Variants in WHAMM observed in about 807,000 individuals in gnomAD.
The protein encoded by WHAMM is WASP homolog associated with actin, golgi membranes and microtubules.
A neutral mutation model predicts 76.5 loss-of-function variants in WHAMM; 67 were observed. The ratio of observed to expected loss-of-function variants is 0.88; its 90% confidence interval spans 0.72 to 1.07. The LOEUF is 1.07. Among genes scored for constraint, WHAMM ranks in the 50% least tolerant of loss-of-function variants. The pLI is 0.00. For synonymous variants in WHAMM, 419 were observed against 422.1 expected, an observed-to-expected ratio of 0.99 and a Z score of 0.09; for missense variants, 1,021 against 1,051.1, an observed-to-expected ratio of 0.97 and a Z score of 0.40.
intron 1 of WHAMM, among the ~76,000 whole-genome samples, chr15:82,811,970 AT>A (rs552794656): frequency 1.6e-3 from 238 of 152,302 alleles, no homozygotes; most frequent in Non-Finnish European, 2.7e-3. Flanking sequence ...GTTGAAAAAA[AT>A]CTATATTATT....
chr15:82,833,533 T>G lies in WHAMM; in HGVS notation c.2427T>G (p.Gly809=). The change falls in exon 10 of 10, where the codon GGT becomes GGG. Residue 809 remains glycine, a synonymous_variant. Coordinates refer to ENST00000286760, the MANE Select transcript of WHAMM (RefSeq NM_001080435.3). ...AGCAGGACCCTGGCCAGTGGGATGG[T>G]TAGGCTCAAGTTTGACAAAGGCACC... ...SDEQDPGQWD[G] is the part of the protein sequence containing the mutation. 1 of 1,612,602 alleles carries G rather than the reference T, an allele frequency of 6.2e-7. No individual in the cohort carries two copies. The highest frequency in any genetic ancestry group is 8.5e-7 in the Non-Finnish European group (1 of 1,179,280).
chr15:82,817,040 A>G (rs1161109760), intron 3 of WHAMM, among the ~76,000 whole-genome samples, 198 bp downstream of exon 3: 1 of 152,202 alleles, frequency 6.6e-6, no homozygotes, highest in African/African-American at 2.4e-5. Flanking sequence ...CACATGGAAA[A>G]TGGCAGTGAC....
At chr15:82,833,114 T>G in intron 9 of WHAMM, 115 bp from the exon 10 acceptor site, 1 of 1,210,608 alleles carries the variant, frequency 8.3e-7, no homozygotes, top group Non-Finnish European at 1.1e-6. Flanking sequence ...ATGAAGTGAT[T>G]ATTTGTTTAA....
In WHAMM at chr15:82,823,556, C is replaced by T. The variant is rs1416317549; in HGVS notation, c.1458+269C>T. 1.3e-5 allele frequency among the ~76,000 whole-genome samples: 2 copies of T among 151,722 alleles called. No homozygotes were observed. The highest frequency in any genetic ancestry group is 4.8e-5 in the African/African-American group (2 of 41,312). ...GTTGAATGCCCATTGCATACACAGG[C>T]ACACAGGCACTTTATTTTTATTTTT... On this transcript the variant is annotated intron_variant, in intron 6 of 9. Transcript: ENST00000286760.
intron 7 of WHAMM, 22 bp downstream of exon 7, chr15:82,826,518 A>G: frequency 2.5e-6 from 4 of 1,609,058 alleles, no homozygotes; most frequent in Non-Finnish European, 3.4e-6. Context: ...CCGAAGGAAA[A>G]TGTTCTATGT....
intron 8 of WHAMM, among the ~76,000 whole-genome samples, chr15:82,827,819 C>T (rs1332659113): frequency 1.3e-5 from 2 of 152,100 alleles, no homozygotes; most frequent in African/African-American, 2.4e-5. Flanking sequence ...GTGGTGCATG[C>T]CTGTAGTCCC....
chr15:82,826,942 C>A, intron 8 of WHAMM, 96 bp downstream of exon 8: 1 of 1,271,582 alleles, frequency 7.9e-7, no homozygotes, highest in South Asian at 1.8e-5. Flanking sequence ...AAGAACAGGT[C>A]ATTCAGAACG....
At chr15:82,826,368 T>C (rs1566996975) in intron 6 of WHAMM, 42 bp from the exon 7 acceptor site, 1 of 1,597,706 alleles carries the variant, frequency 6.3e-7, no homozygotes, top group Non-Finnish European at 8.6e-7. Flanking sequence ...TATACCAGGG[T>C]AATATTAAAA....
rs776525483 is a variant in WHAMM, at chr15:82,809,863, A to G, written c.137A>G (p.His46Arg). 1.3e-6 allele frequency: 2 copies of G among 1,592,368 alleles called. No individual in the cohort carries two copies. Among genetic ancestry groups the G allele is most frequent in the South Asian group, 2.2e-5 (2 of 89,136 alleles). The stretch of plus-strand genomic sequence containing the variant: ...GAGGGCAAGTTCGCTGTGACTTGTC[A>G]CGACCGTACCGCGCAGCAGCGGCGG... ...GAEGKFAVTC[H>R]DRTAQQRRLR... The change falls in exon 1 of 10, where the codon CAC becomes CGC. Residue 46 changes from histidine to arginine, a missense_variant. Around this residue, in one of 3 missense-constraint regions of WHAMM, gnomAD observed 501 missense variants for 524.9 expected, o/e 0.95. Transcript: ENST00000286760.
intron 8 of WHAMM, 79 bp downstream of exon 8, chr15:82,826,925 AAGT>A (rs2050946281): frequency 7.0e-7 from 1 of 1,429,884 alleles, no homozygotes; most frequent in Non-Finnish European, 9.3e-7. Context: ...TGAAAGTATG[AAGT>A]ATTAAGAACA....
At chr15:82,816,912 G>A in intron 3 of WHAMM, 70 bp downstream of exon 3, 5 of 1,430,728 alleles carry the variant, frequency 3.5e-6, no homozygotes, top group Admixed American at 2.2e-5. Flanking sequence ...TACCATTTGA[G>A]TCCCTCTTAC....
rs1364959645 is a variant in WHAMM, at chr15:82,835,360, G to A, written c.*1824G>A. On this transcript the variant is annotated 3_prime_UTR_variant, in exon 10 of 10. Coordinates refer to ENST00000286760, the MANE Select transcript of WHAMM (RefSeq NM_001080435.3). ...AGGATGGTCTCGATCTCTTGACCTC[G>A]TGATCCTCCCACCTTGGCCTCCCAA... 3.3e-5 allele frequency: 5 copies of A among 152,600 alleles called. 1 individual carries two copies. The highest frequency in any genetic ancestry group is 3.9e-4 in the East Asian group (2 of 5,188). 9.5% of individuals were successfully genotyped at this position (152,600 alleles called of 1,614,324 possible). A position where few individuals can be genotyped will look rare whatever the true frequency, so the allele number is the denominator to read the frequency against.
chr15:82,809,993 C>A lies in WHAMM; in HGVS notation c.267C>A (p.Gly89=). ...AGLLSAAGLR[G]AHRQLAALWP... ...TGCTCTCGGCCGCGGGGCTCCGCGG[C>A]GCGCACCGGCAGTTGGCGGCGCTGT... The change falls in exon 1 of 10, where the codon GGC becomes GGA. Residue 89 remains glycine (G), a synonymous_variant. Transcript: ENST00000286760. 7.8e-7 allele frequency: 1 copy of A among 1,275,358 alleles called. No homozygotes were observed. The highest frequency in any genetic ancestry group is 9.9e-7 in the Non-Finnish European group (1 of 1,012,650). The allele number at this position is 1,275,358 out of a possible 1,614,324, so 79.0% of individuals were successfully genotyped here.
At position 82,833,296 on chromosome 15, in the gene WHAMM, G is replaced by T. The variant is rs372463979; in HGVS notation, c.2190G>T (p.Pro730=). The change falls in exon 10 of 10, where the codon CCG becomes CCT. Residue 730 remains proline, a synonymous_variant. Transcript: ENST00000286760. Reference sequence around the variant, plus strand: ...CTCCTCTCCGGAAGGTGGAAGTGCCGGCGGTGCGCCCTCCCCACGCCTCAA... The same window carrying T: ...CTCCTCTCCGGAAGGTGGAAGTGCCTGCGGTGCGCCCTCCCCACGCCTCAA... The part of the protein sequence containing the change: ...GRAPLRKVEV[P]AVRPPHASIN... The T allele has an allele frequency of 6.2e-7, 1 of 1,613,974 alleles. No individual in the cohort carries two copies. The highest frequency in any genetic ancestry group is 8.5e-7 in the Non-Finnish European group (1 of 1,179,870).
At position 82,815,155 on chromosome 15, in the gene WHAMM, A is replaced by ATATATATATATATATATAAT. The variant is rs55807384; in HGVS notation, c.784-1537_784-1536insTATATATATATATATATAAT. Among the ~76,000 whole-genome samples, 29 of 46,132 alleles carry ATATATATATATATATATAAT rather than the reference A, an allele frequency of 6.3e-4. 2 individuals carry two copies. The highest frequency in any genetic ancestry group is 2.0e-3 in the East Asian group (3 of 1,536). The allele number at this position is 46,132 out of a possible 152,430, so 30.3% of individuals were successfully genotyped here. The stretch of plus-strand genomic sequence containing the variant: ...TATATATATATATATATATATATAT[A>ATATATATATATATATATAAT]GTACAATTCAGTGATTTTTAGTATA... On this transcript the variant is annotated intron_variant, in intron 2 of 9. Transcript: ENST00000286760.
Position 82,809,951 on chromosome 15 carries a change from G to A in WHAMM, c.225G>A (p.Pro75=), listed in dbSNP as rs773822869. The change falls in exon 1 of 10, where the codon CCG becomes CCA. Residue 75 remains proline (P), a synonymous_variant. Coordinates refer to ENST00000286760, the MANE Select transcript of WHAMM (RefSeq NM_001080435.3). ...CCAAGCCTGAGGCCGCCGTCTCCCC[G>A]TCCAGCTGGGCCGGCCTGCTCTCGG... ...PEPKPEAAVS[P]SSWAGLLSAA... The A allele has an allele frequency of 2.3e-5, 32 of 1,396,130 alleles. No homozygotes were observed. Among genetic ancestry groups the A allele is most frequent in the Middle Eastern group, 2.7e-4 (1 of 3,764 alleles). 86.5% of individuals were successfully genotyped at this position (1,396,130 alleles called of 1,614,324 possible).
chr15:82,810,419 T>TGGCTGAC (rs2050608392), intron 1 of WHAMM, 84 bp downstream of exon 1: 8 of 1,225,288 alleles, frequency 6.5e-6, no homozygotes, highest in East Asian at 3.4e-5. Context: ...CCGAGAGCCC[T>TGGCTGAC]GGCTGACGGC....
At chr15:82,814,918 C>A (rs1266862937) in intron 2 of WHAMM, among the ~76,000 whole-genome samples, 1 of 149,376 alleles carries the variant, frequency 6.7e-6, no homozygotes, top group African/African-American at 2.4e-5. Context: ...TACAGGTGCC[C>A]GCCACCATGC....
At chr15:82,827,990 A>G (rs182957719) in intron 8 of WHAMM, among the ~76,000 whole-genome samples, 6 of 152,248 alleles carry the variant, frequency 3.9e-5, no homozygotes, top group Admixed American at 2.6e-4. Flanking sequence ...AATATCATTG[A>G]ATTTACTGAC....
Sources: gnomAD v4.1 joint callset for allele counts (sites outside exome capture counted in the v4.1 genomes callset) on GRCh38, gnomAD v4.1.1 for gene constraint, gnomAD v4.1.1 regional missense constraint, MANE v1.5 for transcripts, NCBI Gene and HGNC (gene_info 2026-07-23, HGNC 2026-07-21) for gene names.